CLDN10: variants seen among roughly 807,000 people sequenced by gnomAD.
The protein encoded by CLDN10 is claudin-10.
Under a neutral mutation model 22.9 loss-of-function variants are expected in CLDN10, and 15 were observed. The ratio of observed to expected loss-of-function variants is 0.65; its 90% CI spans 0.44 to 1.01. CLDN10 has a LOEUF of 1.01. Among genes scored for constraint, CLDN10 ranks in the 50% least tolerant of loss-of-function variants. CLDN10 has a pLI of 0.00. For synonymous variants in CLDN10, 114 were observed against 111.4 expected (o/e 1.02, Z -0.15); for missense variants, 247 against 287.8 (o/e 0.86, Z 1.03).
At chr13:95,529,225 T>C (rs1407105862) in intron 1 of CLDN10, among the ~76,000 whole-genome samples, 1 of 152,180 alleles carries the variant, frequency 6.6e-6, no homozygotes, top group African/African-American at 2.4e-5. Context: ...ATTCAACAGA[T>C]ACTATTGAGA....
chr13:95,558,803 T>C, intron 1 of CLDN10, among the ~76,000 whole-genome samples: 1 of 152,142 alleles, frequency 6.6e-6, no homozygotes, highest in East Asian at 1.9e-4. Context: ...CAAGCGCCTA[T>C]GGTTTCAGCT....
chr13:95,445,199 A>C (rs2042361255), intron 1 of CLDN10, among the ~76,000 whole-genome samples: 1 of 152,264 alleles, frequency 6.6e-6, no homozygotes, highest in Non-Finnish European at 1.5e-5. Context: ...AGACCTAAAA[A>C]GCAGGAGGAA....
At chr13:95,489,354 T>A (rs961166092) in intron 1 of CLDN10, among the ~76,000 whole-genome samples, 4 of 152,196 alleles carry the variant, frequency 2.6e-5, no homozygotes, top group African/African-American at 7.2e-5. Context: ...GCAGAAGGGT[T>A]CCCTGTTCAC....
intron 1 of CLDN10, among the ~76,000 whole-genome samples, chr13:95,520,751 G>A (rs116717419): frequency 1.6e-3 from 240 of 152,294 alleles, no homozygotes; most frequent in African/African-American, 5.7e-3. Flanking sequence ...GAAAGGCAGA[G>A]GCAGGTGGAT....
At chr13:95,533,657 C>T (rs866435533) in intron 1 of CLDN10, 4 of 152,222 alleles carry the variant, frequency 2.6e-5, no homozygotes, top group Admixed American at 6.5e-5. Flanking sequence ...TCTGCCTACC[C>T]GGTGAGATAC....
At chr13:95,486,396 G>A (rs1228481182) in intron 1 of CLDN10, among the ~76,000 whole-genome samples, 10 of 152,034 alleles carry the variant, frequency 6.6e-5, no homozygotes, top group East Asian at 1.9e-4. Context: ...GGTGGCGTGC[G>A]CCTGTAGTCC....
chr13:95,518,883 T>A (rs868189205), intron 1 of CLDN10, among the ~76,000 whole-genome samples: 1 of 152,232 alleles, frequency 6.6e-6, no homozygotes. Context: ...ATCAGCGCTA[T>A]AGAATATTGG....
At chr13:95,527,056 T>A (rs866438061) in intron 1 of CLDN10, among the ~76,000 whole-genome samples, 28 of 152,304 alleles carry the variant, frequency 1.8e-4, no homozygotes, top group Middle Eastern at 3.4e-3. Context: ...AAACTTCTAA[T>A]TGGACTTTCA....
chr13:95,438,001 T>C (rs1310119879), intron 1 of CLDN10, among the ~76,000 whole-genome samples: 1 of 152,182 alleles, frequency 6.6e-6, no homozygotes, highest in African/African-American at 2.4e-5. Flanking sequence ...CATAAAAGTA[T>C]CCTCTATTAT....
At chr13:95,506,947 G>T (rs569830096) in intron 1 of CLDN10, among the ~76,000 whole-genome samples, 1 of 152,100 alleles carries the variant, frequency 6.6e-6, no homozygotes, top group Non-Finnish European at 1.5e-5. Context: ...AATTGGGGCC[G>T]GGCTGAACAT....
intron 1 of CLDN10, among the ~76,000 whole-genome samples, chr13:95,447,742 C>CGTGTGT (rs5805934): frequency 1.1e-3 from 162 of 147,646 alleles, no homozygotes; most frequent in African/African-American, 3.1e-3. Context: ...AGTGCACATG[C>CGTGTGT]GTGTGTGTGT....
chr13:95,571,231 T>C (rs926194556), intron 3 of CLDN10, among the ~76,000 whole-genome samples: 1 of 152,104 alleles, frequency 6.6e-6, no homozygotes, highest in Non-Finnish European at 1.5e-5. Context: ...ACTACCCTAA[T>C]GAAAATCACA....
At chr13:95,548,763 C>T (rs1293730855), upstream of CLDN10, among the ~76,000 whole-genome samples, 1 of 152,044 alleles carries the variant, frequency 6.6e-6, no homozygotes. Context: ...TAGTTAATAC[C>T]GTATCATCAG....
intron 1 of CLDN10, among the ~76,000 whole-genome samples, chr13:95,547,594 C>T (rs1354767974): frequency 6.6e-6 from 1 of 152,184 alleles, no homozygotes; most frequent in Non-Finnish European, 1.5e-5. Flanking sequence ...AAGAAGCTGT[C>T]ATTTAGTCCC....
At position 95,579,642 on chromosome 13, in the gene CLDN10, C is replaced by A. The variant is rs2043986897; in HGVS notation, c.*1628C>A. ...ACAACGTGGGTGAATGTAGTATTTT[C>A]CTGAAGTGTGAAAGACTTAAAAAAA... On this transcript the variant is annotated 3_prime_UTR_variant, in exon 5 of 5. Coordinates refer to ENST00000299339, the MANE Select transcript of CLDN10 (RefSeq NM_006984.5). The A allele has an allele frequency of 6.6e-6, 1 of 151,946 alleles. No individual in the cohort carries two copies. Among genetic ancestry groups the A allele is most frequent in the Non-Finnish European group, 1.5e-5 (1 of 68,012 alleles). The allele number at this position is 151,946 out of a possible 1,614,324, so 9.4% of individuals were successfully genotyped here.
At chr13:95,523,973 A>T (rs1042573824) in intron 1 of CLDN10, among the ~76,000 whole-genome samples, 1 of 152,166 alleles carries the variant, frequency 6.6e-6, no homozygotes, top group East Asian at 1.9e-4. Context: ...GGTCTACTGA[A>T]TATAGAATTC....
Position 95,552,770 on chromosome 13 carries a change from C to T in CLDN10, c.17C>T (p.Ser6Leu), listed in dbSNP as rs1395670392. Residue 6 changes from serine (S) to leucine (L), a missense_variant, in exon 1 of 5, where the codon TCG becomes TTG. Coordinates refer to ENST00000299339, the MANE Select transcript of CLDN10 (RefSeq NM_006984.5). ...GCCGGCGGCATGGCTAGCACGGCTT[C>T]GGAGATCATCGCCTTCATGGTCTCC... MASTA[S>L]EIIAFMVSIS... is the part of the protein sequence containing the mutation. 6.2e-7 allele frequency: 1 copy of T among 1,612,558 alleles called. No individual in the cohort carries two copies. The highest frequency in any genetic ancestry group is 1.7e-5 in the Admixed American group (1 of 59,968).
At chr13:95,555,047 G>GTT (rs71211686) in intron 1 of CLDN10, among the ~76,000 whole-genome samples, 7,360 of 108,058 alleles carry the variant, frequency 0.068, 451 homozygotes, top group East Asian at 0.25. Flanking sequence ...TGTTAATCCA[G>GTT]TTTTTTTTTT....
chr13:95,543,710 T>G (rs2043481767), intron 1 of CLDN10, among the ~76,000 whole-genome samples: 1 of 152,174 alleles, frequency 6.6e-6, no homozygotes, highest in South Asian at 2.1e-4. Context: ...TGTTTTTCTA[T>G]TAGCTCATAT....
Sources: gnomAD v4.1 joint callset for allele counts (sites outside exome capture counted in the v4.1 genomes callset) on GRCh38, gnomAD v4.1.1 for gene constraint, MANE v1.5 for transcripts, NCBI Gene and HGNC (gene_info 2026-07-23, HGNC 2026-07-21) for gene names.